NAALAD2: variants seen among roughly 807,000 people sequenced by gnomAD.
NAALAD2 encodes the protein N-acetylated-alpha-linked acidic dipeptidase 2.
A neutral mutation model predicts 95.6 loss-of-function variants in NAALAD2; 89 were observed. That is an observed-to-expected ratio of 0.93 (90% confidence interval 0.78 to 1.11). The LOEUF is 1.11. NAALAD2 is among the 50% of genes least tolerant of loss of function. The pLI, the probability that NAALAD2 is intolerant of heterozygous loss-of-function variation, is 0.00. For missense variants in NAALAD2, 894 were observed against 872.4 expected, an observed-to-expected ratio of 1.02 and a Z score of -0.31; for synonymous variants, 264 against 294.4, an observed-to-expected ratio of 0.90 and a Z score of 1.06.
At chr11:90,160,810 C>T (rs1952271944) in intron 8 of NAALAD2, among the ~76,000 whole-genome samples, 1 of 152,132 alleles carries the variant, frequency 6.6e-6, no homozygotes. Flanking sequence ...TAGCTGTGCT[C>T]CTTCACTGTG....
chr11:90,181,722 TTTTTAAA>T (rs1952977352), intron 17 of NAALAD2, 21 bp downstream of exon 17: 1 of 1,394,116 alleles, frequency 7.2e-7, no homozygotes, highest in African/African-American at 1.9e-5. Context: ...AATCCCTTTT[TTTTTAAA>T]AAAAAAAAAA....
At chr11:90,159,467 T>C in intron 8 of NAALAD2, 130 bp downstream of exon 8, 1 of 614,392 alleles carries the variant, frequency 1.6e-6, no homozygotes, top group Admixed American at 3.0e-5. Flanking sequence ...TTTACATTAC[T>C]TAAGAAGTAC....
chr11:90,134,205 G>A (rs886965116), upstream of NAALAD2, among the ~76,000 whole-genome samples: 48 of 152,054 alleles, frequency 3.2e-4, no homozygotes, highest in African/African-American at 1.1e-3. Context: ...TAAGTAAAGG[G>A]GAACAAAAAA....
At chr11:90,167,154 T>A (rs2134934636) in intron 11 of NAALAD2, among the ~76,000 whole-genome samples, 1 of 152,290 alleles carries the variant, frequency 6.6e-6, no homozygotes, top group Admixed American at 6.5e-5. Flanking sequence ...TGGCCAAGGC[T>A]GGAGCCGGCT....
chr11:90,158,369 A>G, intron 7 of NAALAD2, 131 bp downstream of exon 7: 3 of 647,114 alleles, frequency 4.6e-6, no homozygotes, highest in Non-Finnish European at 8.1e-6. Flanking sequence ...AAATAGGAAT[A>G]ACAGAGTATA....
At chr11:90,179,357 T>C (rs1307705904) in intron 16 of NAALAD2, among the ~76,000 whole-genome samples, 1 of 152,068 alleles carries the variant, frequency 6.6e-6, no homozygotes, top group Non-Finnish European at 1.5e-5. Flanking sequence ...TAAAGTCTCA[T>C]GTGGGGAATA....
intron 2 of NAALAD2, among the ~76,000 whole-genome samples, chr11:90,143,445 A>G (rs1378808883): frequency 6.6e-6 from 1 of 152,118 alleles, no homozygotes; most frequent in African/African-American, 2.4e-5. Context: ...TCTGATGAGA[A>G]GTTTACAGTC....
chr11:90,183,322 A>G (rs1857022972), intron 18 of NAALAD2, among the ~76,000 whole-genome samples: 2 of 152,012 alleles, frequency 1.3e-5, no homozygotes, highest in East Asian at 1.9e-4. Flanking sequence ...AATCCTTTTT[A>G]TAGAATCTCA....
chr11:90,149,217 C>A, intron 4 of NAALAD2, 110 bp downstream of exon 4: 1 of 541,160 alleles, frequency 1.8e-6, no homozygotes, highest in East Asian at 3.2e-5. Context: ...CATGCGGGTT[C>A]CTTGTTTGAT....
chr11:90,152,534 C>G lies in NAALAD2; in HGVS notation c.796+50C>G, dbSNP rs1307868460. 2.1e-6 allele frequency: 3 copies of G among 1,423,764 alleles called. No homozygotes were observed. The Admixed American group carries it at 5.5e-5, about 26-fold the overall frequency. 88.2% of individuals were successfully genotyped at this position (1,423,764 alleles called of 1,614,324 possible). On this transcript the variant is annotated intron_variant, in intron 6 of 18. Transcript: ENST00000534061. ...CCAATTTTGCAAAAATACTCCTTGCCCTTTTAGAAGGAATACAAGCAAGCA... is the reference window on the plus strand; with the variant it reads ...CCAATTTTGCAAAAATACTCCTTGCGCTTTTAGAAGGAATACAAGCAAGCA...
At chr11:90,161,260 C>G (rs905556987) in intron 8 of NAALAD2, among the ~76,000 whole-genome samples, 1 of 151,508 alleles carries the variant, frequency 6.6e-6, no homozygotes, top group Non-Finnish European at 1.5e-5. Context: ...CTTCACTAGA[C>G]AGATTGTGCA....
At chr11:90,140,448 T>G (rs1590956051) in intron 2 of NAALAD2, among the ~76,000 whole-genome samples, 1 of 116,946 alleles carries the variant, frequency 8.6e-6, no homozygotes, top group Admixed American at 9.1e-5. Context: ...GACAAACCTC[T>G]TCTTTTTTTT....
intron 14 of NAALAD2, among the ~76,000 whole-genome samples, chr11:90,175,312 C>A (rs1014411704): frequency 6.6e-6 from 1 of 152,108 alleles, no homozygotes; most frequent in African/African-American, 2.4e-5. Context: ...AAAAACATAT[C>A]TACTAACCTA....
intron 2 of NAALAD2, among the ~76,000 whole-genome samples, chr11:90,138,646 G>A (rs375928932): frequency 1.4e-4 from 20 of 143,174 alleles, no homozygotes; most frequent in African/African-American, 4.5e-4. Context: ...CCATCAAATC[G>A]TCTTCTGTTA....
At chr11:90,184,497 A>G (rs762902223) in intron 18 of NAALAD2, among the ~76,000 whole-genome samples, 5 of 152,132 alleles carry the variant, frequency 3.3e-5, no homozygotes, top group Non-Finnish European at 5.9e-5. Context: ...GCAATGATCA[A>G]TTATTTATAT....
At chr11:90,158,647 A>G (rs1342092061) in intron 7 of NAALAD2, 1 of 176,732 alleles carries the variant, frequency 5.7e-6, no homozygotes, top group African/African-American at 2.4e-5. Context: ...CAGTTTCTTT[A>G]TTTGTAAGAT....
chr11:90,191,838 A>G lies in NAALAD2; in HGVS notation c.*91A>G. ...ATAACTTATGAAGCCAGGGTGTTCT[A>G]AACTCTTTTCATGTCATGTTTTGAT... On this transcript the variant is annotated 3_prime_UTR_variant, in exon 19 of 19. Coordinates refer to ENST00000534061, the MANE Select transcript of NAALAD2 (RefSeq NM_005467.4). 9.8e-7 allele frequency: 1 copy of G among 1,020,216 alleles called. No homozygotes were observed. Among genetic ancestry groups the G allele is most frequent in the Admixed American group, 3.0e-5 (1 of 33,380 alleles). 63.2% of individuals were successfully genotyped at this position (1,020,216 alleles called of 1,614,324 possible). A position where few individuals can be genotyped will look rare whatever the true frequency, so the allele number is the denominator to read the frequency against.
chr11:90,162,856 T>TA, intron 8 of NAALAD2, 93 bp from the exon 9 acceptor site: 1 of 708,020 alleles, frequency 1.4e-6, no homozygotes, highest in Non-Finnish European at 2.4e-6. Context: ...CTTTTCATAA[T>TA]AAAACACTAT....
At chr11:90,182,234 A>G (rs984302160) in intron 17 of NAALAD2, among the ~76,000 whole-genome samples, 2 of 152,196 alleles carry the variant, frequency 1.3e-5, no homozygotes, top group African/African-American at 4.8e-5. Context: ...GTTTCAAAGT[A>G]CATTCAAAGT....
Sources: gnomAD v4.1 joint callset for allele counts (sites outside exome capture counted in the v4.1 genomes callset) on GRCh38, gnomAD v4.1.1 for gene constraint, MANE v1.5 for transcripts, NCBI Gene and HGNC (gene_info 2026-07-23, HGNC 2026-07-21) for gene names.